CACNA2D1: variants seen among roughly 807,000 people sequenced by gnomAD.
CACNA2D1 encodes the protein calcium voltage-gated channel auxiliary subunit alpha2delta 1.
A neutral mutation model predicts 171.5 loss-of-function variants in CACNA2D1; 53 were observed. The ratio of observed to expected loss-of-function variants is 0.31; its 90% CI spans 0.25 to 0.39. The LOEUF (loss-of-function observed/expected upper bound fraction) is 0.39, where lower values mean the gene tolerates loss of function less well. Among genes scored for constraint, CACNA2D1 ranks in the 10% least tolerant of loss-of-function variants. CACNA2D1 has a pLI of 1.00. For missense variants in CACNA2D1, 903 were observed against 1,299.8 expected (o/e 0.69, Z 4.69); for synonymous variants, 442 against 443.1 (o/e 1.00, Z 0.03).
chr7:82,428,410 G>A (rs773975812), intron 1 of CACNA2D1, among the ~76,000 whole-genome samples: 1 of 152,084 alleles, frequency 6.6e-6, no homozygotes, highest in Non-Finnish European at 1.5e-5. Flanking sequence ...ACCATCTGTT[G>A]CATTTTATTT....
rs758561622 is a variant in CACNA2D1, at chr7:82,005,772, C to A, written c.1508G>T (p.Arg503Leu). Residue 503 changes from arginine (R) to leucine (L), a missense_variant, in exon 17 of 39, where the codon CGT (arginine) becomes CTT (leucine). Arg to Leu is a moderately radical substitution (Grantham distance 102). This residue lies in a region of CACNA2D1 where 623 missense variants were observed against 925.5 expected (regional missense o/e 0.67). Coordinates refer to ENST00000356860, the MANE Select transcript of CACNA2D1 (RefSeq NM_000722.4). ...SLEDIKRLTPRFTLCPNGYYF... is the reference protein window; with the variant it reads ...SLEDIKRLTPLFTLCPNGYYF... Reference sequence around the variant, plus strand: ...GAGCAAATTTCATCTTACTGTAAAACGTGGTGTCAGTCTTTTAATATCTTC... The same window carrying A: ...GAGCAAATTTCATCTTACTGTAAAAAGTGGTGTCAGTCTTTTAATATCTTC... The A allele has an allele frequency of 6.3e-7, 1 of 1,588,476 alleles. No homozygotes were observed. Among genetic ancestry groups the A allele is most frequent in the East Asian group, 2.2e-5 (1 of 44,590 alleles).
Position 82,066,516 on chromosome 7 carries a change from A to G in CACNA2D1, c.667T>C (p.Trp223Arg). The stretch of plus-strand genomic sequence containing the variant: ...TTTGGAGTTCTACTATTATCAACCC[A>G]TGGTGAAGCTAAAAAAAAAAAAAAA... The part of the protein sequence containing the change: ...GLARYYPASP[W>R]VDNSRTPNKI... The change falls in exon 8 of 39, where the codon TGG becomes CGG. Residue 223 changes from tryptophan (W) to arginine (R), a missense_variant. Trp to Arg is a moderately radical substitution (Grantham distance 101, BLOSUM62 -3). Transcript: ENST00000356860. The G allele has an allele frequency of 6.3e-7, 1 of 1,590,180 alleles. No individual in the cohort carries two copies. Among genetic ancestry groups the G allele is most frequent in the Non-Finnish European group, 8.5e-7 (1 of 1,173,256 alleles).
chr7:82,278,667 C>T (rs567381885), intron 3 of CACNA2D1, among the ~76,000 whole-genome samples: 3 of 150,780 alleles, frequency 2.0e-5, no homozygotes, highest in East Asian at 2.0e-4. Flanking sequence ...TGTTATAAAA[C>T]TCATGAACCC....
chr7:82,314,441 CA>C (rs1563353289), intron 3 of CACNA2D1, among the ~76,000 whole-genome samples: 1 of 152,088 alleles, frequency 6.6e-6, no homozygotes, highest in South Asian at 2.1e-4. Flanking sequence ...AAACTTCTGG[CA>C]AAAACAGTAT....
intron 3 of CACNA2D1, among the ~76,000 whole-genome samples, chr7:82,229,653 T>C (rs1005000233): frequency 6.6e-6 from 1 of 152,010 alleles, no homozygotes; most frequent in Non-Finnish European, 1.5e-5. Flanking sequence ...CTTCTTTCTC[T>C]GCCTTTCCCA....
intron 3 of CACNA2D1, among the ~76,000 whole-genome samples, chr7:82,187,178 G>A (rs1314879912): frequency 1.3e-5 from 2 of 152,060 alleles, no homozygotes; most frequent in East Asian, 1.9e-4. Context: ...ACAAACAAAC[G>A]CTATTTTCAA....
At chr7:82,136,461 A>G (rs1178273598) in intron 5 of CACNA2D1, among the ~76,000 whole-genome samples, 174 bp downstream of exon 5, 1 of 151,994 alleles carries the variant, frequency 6.6e-6, no homozygotes, top group Non-Finnish European at 1.5e-5. Flanking sequence ...GATGCCAAGA[A>G]TAAGTTGTTA....
chr7:82,428,730 G>A (rs1223914089), intron 1 of CACNA2D1, among the ~76,000 whole-genome samples: 26 of 152,168 alleles, frequency 1.7e-4, no homozygotes, highest in Non-Finnish European at 2.9e-5. Flanking sequence ...GGTCCGGTAT[G>A]TGATACTCTT....
chr7:82,430,685 A>C (rs1204893291), intron 1 of CACNA2D1, among the ~76,000 whole-genome samples: 2 of 152,186 alleles, frequency 1.3e-5, no homozygotes, highest in Non-Finnish European at 2.9e-5. Context: ...ACTAACCATC[A>C]GCTGGATGAG....
In CACNA2D1 at chr7:82,342,151, C is replaced by T. The variant is rs975172994; in HGVS notation, c.178-6900G>A. 5.4e-5 allele frequency among the ~76,000 whole-genome samples: 8 copies of T among 148,920 alleles called. No homozygotes were observed. The South Asian group carries it at 6.4e-4, about 12-fold the overall frequency. On this transcript the variant is annotated intron_variant, in intron 2 of 38. Coordinates refer to ENST00000356860, the MANE Select transcript of CACNA2D1 (RefSeq NM_000722.4). Reference sequence around the variant, plus strand: ...TTTTTTTCTTTTCCCTATAACCTAGCTTTTTGAATTGGGACACTACCTTTG... The same window carrying T: ...TTTTTTTCTTTTCCCTATAACCTAGTTTTTTGAATTGGGACACTACCTTTG...
intron 29 of CACNA2D1, 25 bp from the exon 30 acceptor site, chr7:81,967,688 C>G: frequency 9.1e-7 from 1 of 1,093,448 alleles, no homozygotes. Flanking sequence ...TGAATTAATT[C>G]AAAGGTATAA....
At chr7:82,285,189 T>C (rs998778670) in intron 3 of CACNA2D1, among the ~76,000 whole-genome samples, 4 of 152,100 alleles carry the variant, frequency 2.6e-5, no homozygotes, top group Admixed American at 1.3e-4. Flanking sequence ...ATGGTGGTCA[T>C]GGCCATAAGC....
intron 4 of CACNA2D1, among the ~76,000 whole-genome samples, chr7:82,144,141 T>C (rs1195648680): frequency 2.0e-5 from 3 of 152,214 alleles, no homozygotes; most frequent in East Asian, 1.9e-4. Flanking sequence ...GCCTGAATCC[T>C]TGAGGCTTCC....
At chr7:82,147,105 G>A (rs577118772) in intron 4 of CACNA2D1, among the ~76,000 whole-genome samples, 2 of 148,924 alleles carry the variant, frequency 1.3e-5, no homozygotes, top group African/African-American at 4.9e-5. Flanking sequence ...AAAAAAAAGT[G>A]TAGAGCTTTA....
intron 5 of CACNA2D1, among the ~76,000 whole-genome samples, chr7:82,117,494 G>T (rs1199627680): frequency 6.6e-6 from 1 of 152,118 alleles, no homozygotes; most frequent in Non-Finnish European, 1.5e-5. Context: ...TAAACTTAAA[G>T]AATTGGATAG....
chr7:82,085,425 A>G (rs1021693028), intron 6 of CACNA2D1, among the ~76,000 whole-genome samples: 4 of 152,102 alleles, frequency 2.6e-5, no homozygotes, highest in South Asian at 2.1e-4. Context: ...AGTTCTGAGG[A>G]AACCTATGGG....
At chr7:82,345,096 A>G (rs189179141) in intron 2 of CACNA2D1, among the ~76,000 whole-genome samples, 213 of 152,222 alleles carry the variant, frequency 1.4e-3, no homozygotes, top group African/African-American at 4.5e-3. Context: ...TAAATATATT[A>G]AACTCTCCGC....
intron 3 of CACNA2D1, among the ~76,000 whole-genome samples, chr7:82,325,462 T>C (rs1322603354): frequency 1.3e-5 from 2 of 149,146 alleles, no homozygotes; most frequent in African/African-American, 4.9e-5. Flanking sequence ...AGAGCATTAA[T>C]ATGGCTTTTT....
At chr7:81,960,277 T>C (rs959326356) in intron 36 of CACNA2D1, among the ~76,000 whole-genome samples, 1 of 152,092 alleles carries the variant, frequency 6.6e-6, no homozygotes, top group Non-Finnish European at 1.5e-5. Context: ...TTAAGCAAAC[T>C]TTCTGTGAAG....
Sources: allele counts gnomAD v4.1 joint callset (sites outside exome capture counted in the v4.1 genomes callset), GRCh38; gene constraint gnomAD v4.1.1; regional missense constraint gnomAD v4.1.1; transcripts MANE v1.5; gene names NCBI Gene and HGNC (gene_info 2026-07-23, HGNC 2026-07-21).